WWOX: variants seen among roughly 807,000 people sequenced by gnomAD.
The protein encoded by WWOX is WW domain containing oxidoreductase, also known as WW domain-containing oxidoreductase.
Under a neutral mutation model 46.2 loss-of-function variants are expected in WWOX, and 69 were observed. That is an observed-to-expected ratio of 1.49 (90% CI 1.23 to 1.82). The LOEUF is 1.82. Ranked by LOEUF, WWOX falls within the 40% of genes most tolerant of loss-of-function variation. The probability of loss-of-function intolerance (pLI) is 0.00; values close to 1 mark genes in which losing one functional copy is unlikely to be tolerated. For synonymous variants in WWOX, 359 were observed against 202.6 expected (o/e 1.77, Z -6.56); for missense variants, 919 against 542.6 (o/e 1.69, Z -6.89).
chr16:79,201,227 C>G (rs1311487045), intron 8 of WWOX, among the ~76,000 whole-genome samples: 4 of 152,174 alleles, frequency 2.6e-5, no homozygotes, highest in African/African-American at 9.7e-5. Context: ...TATCTTCCTC[C>G]TGCTGATTCT....
At position 78,867,484 on chromosome 16, in the gene WWOX, TTGTG is replaced by T. The variant is rs4035599; in HGVS notation, c.1057-344100_1057-344097del. Among the ~76,000 whole-genome samples, 206 of 148,908 alleles carry T rather than the reference TTGTG, an allele frequency of 1.4e-3. 3 individuals carry two copies. Among genetic ancestry groups the T allele is most frequent in the Middle Eastern group, 0.01 (3 of 286 alleles). On this transcript the variant is annotated intron_variant, in intron 8 of 8. Coordinates refer to ENST00000566780, the MANE Select transcript of WWOX (RefSeq NM_016373.4). Reference sequence around the variant, plus strand: ...TGAGACTCAGAGAAGTTAAATGATTTTGTGTGTGTGTGTGTGTGTGTGTGTGTAT... The same window carrying T: ...TGAGACTCAGAGAAGTTAAATGATTTTGTGTGTGTGTGTGTGTGTGTGTAT...
At chr16:78,595,286 T>G (rs1004637652) in intron 8 of WWOX, among the ~76,000 whole-genome samples, 4 of 86,784 alleles carry the variant, frequency 4.6e-5, no homozygotes, top group African/African-American at 7.6e-5. Flanking sequence ...ACTGGAAATG[T>G]CTTTTTTTTT....
chr16:79,083,258 A>G (rs2048793958), intron 8 of WWOX, among the ~76,000 whole-genome samples: 1 of 152,084 alleles, frequency 6.6e-6, no homozygotes, highest in Admixed American at 6.6e-5. Context: ...TGCTTTGCCT[A>G]ATGAAATGTG....
chr16:78,916,195 T>G (rs1251554054), intron 8 of WWOX, among the ~76,000 whole-genome samples: 4 of 152,212 alleles, frequency 2.6e-5, no homozygotes, highest in African/African-American at 4.8e-5. Context: ...GAAGACCTTA[T>G]GCTGACAGTA....
At chr16:78,747,546 A>G (rs1363349964) in intron 8 of WWOX, among the ~76,000 whole-genome samples, 1 of 152,152 alleles carries the variant, frequency 6.6e-6, no homozygotes, top group Non-Finnish European at 1.5e-5. Context: ...TAATGTTCAG[A>G]TGAGGAAACT....
rs546536947 is a variant in WWOX, at chr16:79,093,127, A to G, written c.1057-118481A>G. Among the ~76,000 whole-genome samples, 72 of 151,826 alleles carry G rather than the reference A, an allele frequency of 4.7e-4. 1 individual carries two copies. The highest frequency in any genetic ancestry group is 8.4e-4 in the Non-Finnish European group (57 of 68,028). On this transcript the variant is annotated intron_variant, in intron 8 of 8. Transcript: ENST00000566780. ...GTACAGCCATTTCATAGACAAGTCT[A>G]CATCAATGAAAAGAATGACACTTCT...
chr16:78,607,819 C>A lies in WWOX; in HGVS notation c.1056+175067C>A, dbSNP rs534937854. Among the ~76,000 whole-genome samples the A allele has an allele frequency of 2.0e-5, 3 of 151,890 alleles. No homozygotes were observed. The South Asian group carries it at 6.3e-4, about 32-fold the overall frequency. On this transcript the variant is annotated intron_variant, in intron 8 of 8. Transcript: ENST00000566780. ...CTTTGGAGCGTGTCTTTTGGTGCCA[C>A]GGAAAAGGGCTGGATTTTCTATCGG...
chr16:79,061,484 A>T (rs1299125011), intron 8 of WWOX, among the ~76,000 whole-genome samples: 1 of 152,194 alleles, frequency 6.6e-6, no homozygotes, highest in Non-Finnish European at 1.5e-5. Flanking sequence ...ATCTCTTGCA[A>T]AATGCAAATT....
intron 8 of WWOX, chr16:79,205,256 T>G (rs570586119): frequency 6.6e-6 from 1 of 152,346 alleles, no homozygotes; most frequent in African/African-American, 2.4e-5. Context: ...ACTGGCACTT[T>G]ACTCTCTCTG....
chr16:78,368,532 G>C (rs1015328386), intron 5 of WWOX, among the ~76,000 whole-genome samples: 1 of 152,206 alleles, frequency 6.6e-6, no homozygotes, highest in African/African-American at 2.4e-5. Context: ...TCTTCCCATA[G>C]AGAACATCTA....
intron 8 of WWOX, among the ~76,000 whole-genome samples, chr16:79,149,364 A>G (rs531586990): frequency 6.6e-6 from 1 of 152,328 alleles, no homozygotes; most frequent in Admixed American, 6.5e-5. Context: ...CCAGCCTTGA[A>G]GACCTGGAAT....
intron 8 of WWOX, among the ~76,000 whole-genome samples, chr16:78,740,746 T>A (rs2049201776): frequency 6.6e-6 from 1 of 152,126 alleles, no homozygotes; most frequent in Admixed American, 6.6e-5. Context: ...ACACACCAAA[T>A]GCAGGTCCAC....
intron 5 of WWOX, among the ~76,000 whole-genome samples, chr16:78,233,553 G>T (rs9927005): frequency 0.53 from 77,130 of 144,416 alleles, 20,909 homozygotes; most frequent in Admixed American, 0.68. Context: ...TTGAGATGGA[G>T]TCTTGCTCTT....
At chr16:78,198,399 T>C (rs1017112082) in intron 5 of WWOX, among the ~76,000 whole-genome samples, 3 of 152,190 alleles carry the variant, frequency 2.0e-5, no homozygotes, top group East Asian at 3.8e-4. Flanking sequence ...TCCAGTGTTA[T>C]AGGAGACAAA....
At chr16:78,816,916 T>C (rs1216044301) in intron 8 of WWOX, among the ~76,000 whole-genome samples, 1 of 152,188 alleles carries the variant, frequency 6.6e-6, no homozygotes, top group Non-Finnish European at 1.5e-5. Context: ...CAAGATTCCA[T>C]TGCAAGTCCC....
chr16:78,722,113 C>G (rs930371319), intron 8 of WWOX, among the ~76,000 whole-genome samples: 2 of 152,176 alleles, frequency 1.3e-5, no homozygotes, highest in African/African-American at 4.8e-5. Flanking sequence ...GGTCATGATC[C>G]TGACATTCCA....
At chr16:78,935,854 G>A (rs370280086) in intron 8 of WWOX, among the ~76,000 whole-genome samples, 47 of 152,234 alleles carry the variant, frequency 3.1e-4, no homozygotes, top group African/African-American at 1.1e-3. Flanking sequence ...AGAGGCTGCA[G>A]TGAGCTCACA....
At position 79,212,473 on chromosome 16, in the gene WWOX, AGATACCTTG is replaced by A; in HGVS notation, c.*678_*686del. 8.7e-6 allele frequency: 2 copies of A among 231,160 alleles called. No individual in the cohort carries two copies. Among genetic ancestry groups the A allele is most frequent in the East Asian group, 1.8e-4 (2 of 11,116 alleles). The allele number at this position is 231,160 out of a possible 1,614,324, so 14.3% of individuals were successfully genotyped here. The stretch of plus-strand genomic sequence containing the variant: ...TAACAAATTTTTCAAATCATTCCTT[AGATACCTTG>A]AAAGGCAGGAAGGGAAGCGTATATA... On this transcript the variant is annotated 3_prime_UTR_variant, in exon 9 of 9. Transcript: ENST00000566780.
At chr16:78,305,434 A>C (rs1344358206) in intron 5 of WWOX, among the ~76,000 whole-genome samples, 2 of 152,152 alleles carry the variant, frequency 1.3e-5, no homozygotes, top group Non-Finnish European at 2.9e-5. Flanking sequence ...TGAACATCCA[A>C]GAAGAAGCAT....
Sources: allele counts gnomAD v4.1 joint callset (sites outside exome capture counted in the v4.1 genomes callset), GRCh38; gene constraint gnomAD v4.1.1; transcripts MANE v1.5; gene names NCBI Gene and HGNC (gene_info 2026-07-23, HGNC 2026-07-21).